The following CDC42BPB variants were observed in gnomAD, a reference collection of about 807,000 sequenced individuals.
CDC42BPB encodes serine/threonine-protein kinase MRCK beta.
A neutral mutation model predicts 214.9 loss-of-function variants in CDC42BPB; 37 were observed. The observed-to-expected ratio is 0.17, with a 90% CI of 0.13 to 0.23. CDC42BPB has a LOEUF of 0.23. CDC42BPB is among the 10% of genes least tolerant of loss of function. CDC42BPB has a pLI of 1.00. For synonymous variants in CDC42BPB, 931 were observed against 884.0 expected, an observed-to-expected ratio of 1.05 and a Z score of -0.94; for missense variants, 1,694 against 2,227.0, an observed-to-expected ratio of 0.76 and a Z score of 4.82.
chr14:103,045,148 C>A (rs543163133), intron 1 of CDC42BPB, among the ~76,000 whole-genome samples: 20 of 152,050 alleles, frequency 1.3e-4, no homozygotes, highest in Non-Finnish European at 2.6e-4. Context: ...TTTGCACTAA[C>A]AAGGGTGAAG....
chr14:103,030,214 C>T (rs980028914), intron 1 of CDC42BPB, among the ~76,000 whole-genome samples: 37 of 152,222 alleles, frequency 2.4e-4, no homozygotes, highest in African/African-American at 8.4e-4. Flanking sequence ...GTGCCCAGCA[C>T]GGTATCAAAG....
At chr14:103,010,770 G>T (rs951051687) in intron 2 of CDC42BPB, among the ~76,000 whole-genome samples, 1 of 152,202 alleles carries the variant, frequency 6.6e-6, no homozygotes, top group East Asian at 1.9e-4. Context: ...GGTGGCTCAC[G>T]CCTGTAATCC....
intron 6 of CDC42BPB, chr14:102,986,282 T>C (rs989875891): frequency 3.1e-5 from 16 of 510,126 alleles, no homozygotes; most frequent in East Asian, 6.7e-5. Flanking sequence ...TTTGTAAACA[T>C]AAAAAGCAAT....
At chr14:103,031,782 C>T (rs772985994) in intron 1 of CDC42BPB, among the ~76,000 whole-genome samples, 10 of 152,012 alleles carry the variant, frequency 6.6e-5, no homozygotes, top group Admixed American at 2.6e-4. Flanking sequence ...GGCTGGATTC[C>T]GGAAACCAAC....
chr14:103,003,845 T>G, intron 4 of CDC42BPB, 83 bp downstream of exon 4: 3 of 1,120,352 alleles, frequency 2.7e-6, no homozygotes, highest in South Asian at 3.0e-5. Flanking sequence ...AGTTCCACAT[T>G]GTCTGACTGA....
At chr14:103,038,432 G>T (rs78818995) in intron 1 of CDC42BPB, among the ~76,000 whole-genome samples, 2 of 152,012 alleles carry the variant, frequency 1.3e-5, no homozygotes, top group African/African-American at 4.8e-5. Context: ...GACAAAGAGA[G>T]GGTTGTGAAT....
chr14:103,003,877 G>A, intron 4 of CDC42BPB, 51 bp downstream of exon 4: 1 of 1,435,064 alleles, frequency 7.0e-7, no homozygotes, highest in Non-Finnish European at 9.7e-7. Context: ...CAGCATAAAG[G>A]AATAAAGCCG....
intron 1 of CDC42BPB, among the ~76,000 whole-genome samples, chr14:103,054,536 C>A (rs1023839489): frequency 3.3e-5 from 5 of 152,268 alleles, no homozygotes; most frequent in East Asian, 1.9e-4. Context: ...GCTTTCCAAT[C>A]GAAACAACCA....
At chr14:102,966,227 A>C (rs1335902552) in intron 18 of CDC42BPB, 55 bp downstream of exon 18, 11 of 1,318,526 alleles carry the variant, frequency 8.3e-6, no homozygotes, top group South Asian at 1.2e-5. Context: ...ATTTATACTT[A>C]AAACCATTAG....
rs764529000 is a variant in CDC42BPB, at chr14:102,944,432, C to T, written c.3867G>A (p.Arg1289=). 1 of 1,613,016 alleles carries T rather than the reference C, an allele frequency of 6.2e-7. No homozygotes were observed. Among genetic ancestry groups the T allele is most frequent in the African/African-American group, 1.3e-5 (1 of 75,056 alleles). The change falls in exon 30 of 37, where the codon AGG becomes AGA. Residue 1289 remains arginine (R), a synonymous_variant. Coordinates refer to ENST00000361246, the MANE Select transcript of CDC42BPB (RefSeq NM_006035.4). This position sits in a 1 kb window ranked among gnomAD's most constrained non-coding sequence, Gnocchi z 6.6. The part of the protein sequence containing the change: ...KKVHQIELAP[R]EKIVILLCGR... The stretch of plus-strand genomic sequence containing the variant: ...CACAGAGGAGGATTACGATCTTCTC[C>T]CTGGGAGCAAGCTCGATCTGGTGTA...
At chr14:102,986,612 T>C (rs1206237040) in intron 5 of CDC42BPB, 32 bp from the exon 6 acceptor site, 1 of 1,606,888 alleles carries the variant, frequency 6.2e-7, no homozygotes, top group South Asian at 1.1e-5. Flanking sequence ...AAATTAACCA[T>C]CTCCATGCAA....
At chr14:102,939,152 G>A (rs572265797) in intron 34 of CDC42BPB, among the ~76,000 whole-genome samples, 1 of 151,928 alleles carries the variant, frequency 6.6e-6, no homozygotes, top group East Asian at 1.9e-4. Flanking sequence ...TGTTAGCCAG[G>A]ATGGTCTCGA....
In CDC42BPB at chr14:102,941,140, G is replaced by A. The variant is rs1029769111; in HGVS notation, c.4409-816C>T. On this transcript the variant is annotated intron_variant, in intron 30 of 36. Coordinates refer to ENST00000361246, the MANE Select transcript of CDC42BPB (RefSeq NM_006035.4). ...TTCCGCTCAGTCCCTCTGTGTGGGTGGCACGCTCACTGCCCCCACAGCCCC... is the reference window on the plus strand; with the variant it reads ...TTCCGCTCAGTCCCTCTGTGTGGGTAGCACGCTCACTGCCCCCACAGCCCC... The A allele has an allele frequency of 3.5e-5, 34 of 985,340 alleles. No homozygotes were observed. In the African/African-American group the frequency reaches 4.5e-4, roughly 13 times the overall value. The allele number at this position is 985,340 out of a possible 1,614,324, so 61.0% of individuals were successfully genotyped here. A position where few individuals can be genotyped will look rare whatever the true frequency, so the allele number is the denominator to read the frequency against.
At chr14:103,022,815 T>C (rs925054216) in intron 1 of CDC42BPB, among the ~76,000 whole-genome samples, 1 of 152,142 alleles carries the variant, frequency 6.6e-6, no homozygotes, top group Non-Finnish European at 1.5e-5. Context: ...GCCAATTCCT[T>C]GAAACGAACA....
intron 4 of CDC42BPB, among the ~76,000 whole-genome samples, chr14:103,003,690 A>C (rs1028695493): frequency 6.6e-6 from 1 of 152,244 alleles, no homozygotes; most frequent in Non-Finnish European, 1.5e-5. Context: ...AACCCAGCAA[A>C]CAAACGAATC....
At chr14:102,942,243 T>C (rs1015805707) in intron 30 of CDC42BPB, among the ~76,000 whole-genome samples, 13 of 152,180 alleles carry the variant, frequency 8.5e-5, no homozygotes, top group Non-Finnish European at 1.9e-4. Flanking sequence ...ACATGTCTGC[T>C]GTGGTGTGGC....
rs374132766 is a variant in CDC42BPB, at chr14:103,013,748, G to A, written c.176-1560C>T. Among the ~76,000 whole-genome samples the A allele has an allele frequency of 1.8e-3, 279 of 152,312 alleles. 1 individual carries two copies. Among genetic ancestry groups the A allele is most frequent in the South Asian group, 0.011 (51 of 4,818 alleles). On this transcript the variant is annotated intron_variant, in intron 1 of 36. Coordinates refer to ENST00000361246, the MANE Select transcript of CDC42BPB (RefSeq NM_006035.4). ...CACCCCCAGAAGCTGAGCGTTCCCC[G>A]GAGCCTGCGAGGGACATGGCCTGGC...
chr14:102,940,794 C>G, intron 30 of CDC42BPB: 1 of 220,704 alleles, frequency 4.5e-6, no homozygotes, highest in Admixed American at 5.1e-5. Flanking sequence ...CTCTGGGCAA[C>G]AACCCTGCCT....
At chr14:103,043,945 T>C (rs1434756445) in intron 1 of CDC42BPB, among the ~76,000 whole-genome samples, 1 of 152,238 alleles carries the variant, frequency 6.6e-6, no homozygotes, top group African/African-American at 2.4e-5. Flanking sequence ...CATAAAACCA[T>C]GTCAATGTCT....
Sources: gnomAD v4.1 joint callset for allele counts (sites outside exome capture counted in the v4.1 genomes callset) on GRCh38, gnomAD v4.1.1 for gene constraint, Gnocchi (gnomAD v3.1) non-coding constraint, MANE v1.5 for transcripts, NCBI Gene and HGNC (gene_info 2026-07-23, HGNC 2026-07-21) for gene names.